NXPH1: variants seen among roughly 807,000 people sequenced by gnomAD.
NXPH1 encodes neurexophilin 1.
NXPH1 carries 5 observed loss-of-function variants against 23.7 expected under a neutral mutation model. The ratio of observed to expected loss-of-function variants is 0.21; its 90% CI spans 0.11 to 0.44. The LOEUF (loss-of-function observed/expected upper bound fraction) is 0.44, where lower values mean the gene tolerates loss of function less well. NXPH1 is among the 20% of genes least tolerant of loss of function. The probability of loss-of-function intolerance (pLI) is 0.99; values close to 1 mark genes in which losing one functional copy is unlikely to be tolerated. For missense variants in NXPH1, 324 were observed against 321.6 expected (o/e 1.01, Z -0.06); for synonymous variants, 144 against 122.2 (o/e 1.18, Z -1.18).
intron 2 of NXPH1, among the ~76,000 whole-genome samples, chr7:8,615,068 G>T (rs903388599): frequency 6.6e-6 from 1 of 151,888 alleles, no homozygotes; most frequent in African/African-American, 2.4e-5. Context: ...TTTACTTGTT[G>T]TGCCTCATTA....
At chr7:8,574,514 A>T (rs1205619127) in intron 2 of NXPH1, among the ~76,000 whole-genome samples, 1 of 152,076 alleles carries the variant, frequency 6.6e-6, no homozygotes, top group African/African-American at 2.4e-5. Flanking sequence ...AAAAAGATGG[A>T]ATCTGTTAAC....
intron 2 of NXPH1, among the ~76,000 whole-genome samples, chr7:8,524,169 G>T (rs1817823193): frequency 6.7e-6 from 1 of 149,804 alleles, no homozygotes; most frequent in African/African-American, 2.5e-5. Flanking sequence ...TTGAACCTGG[G>T]TGGTAGAGGT....
intron 2 of NXPH1, among the ~76,000 whole-genome samples, chr7:8,510,615 T>C (rs1254202965): frequency 6.6e-6 from 1 of 152,142 alleles, no homozygotes; most frequent in African/African-American, 2.4e-5. Flanking sequence ...GAATGAGAAG[T>C]GTGGGCACAA....
At chr7:8,561,379 C>CACACACACAT (rs1407439729) in intron 2 of NXPH1, among the ~76,000 whole-genome samples, 1 of 150,938 alleles carries the variant, frequency 6.6e-6, no homozygotes, top group African/African-American at 2.4e-5. Context: ...CACACACACA[C>CACACACACAT]ACACCTCTCT....
At chr7:8,687,111 A>C (rs2115180913) in intron 2 of NXPH1, among the ~76,000 whole-genome samples, 1 of 152,226 alleles carries the variant, frequency 6.6e-6, no homozygotes, top group African/African-American at 2.4e-5. Flanking sequence ...AAGGCTGTTC[A>C]TTACCTTCCT....
At chr7:8,449,863 C>T (rs773240701) in intron 2 of NXPH1, among the ~76,000 whole-genome samples, 32 of 152,312 alleles carry the variant, frequency 2.1e-4, no homozygotes, top group Non-Finnish European at 3.7e-4. Context: ...TTATTAGATG[C>T]AGTTTTTATT....
intron 2 of NXPH1, among the ~76,000 whole-genome samples, chr7:8,567,852 A>G (rs1031908195): frequency 1.3e-5 from 2 of 151,798 alleles, no homozygotes; most frequent in Non-Finnish European, 2.9e-5. Flanking sequence ...ACTAATTTCA[A>G]TCAGGTACTT....
chr7:8,532,469 G>A (rs183080288), intron 2 of NXPH1, among the ~76,000 whole-genome samples: 1 of 115,536 alleles, frequency 8.7e-6, no homozygotes, highest in Non-Finnish European at 1.7e-5. Context: ...TATTTTTTTT[G>A]GGGGGGGGGG....
At chr7:8,537,048 AT>A (rs1179357862) in intron 2 of NXPH1, among the ~76,000 whole-genome samples, 1 of 151,956 alleles carries the variant, frequency 6.6e-6, no homozygotes, top group Non-Finnish European at 1.5e-5. Context: ...ATTTATTATG[AT>A]GTTTGGAAAT....
chr7:8,621,812 A>G (rs1467535870), intron 2 of NXPH1, among the ~76,000 whole-genome samples: 1 of 152,128 alleles, frequency 6.6e-6, no homozygotes, highest in African/African-American at 2.4e-5. Flanking sequence ...AAAACTTCAC[A>G]TGCATTATCT....
intron 2 of NXPH1, among the ~76,000 whole-genome samples, chr7:8,648,008 T>C (rs1446472278): frequency 6.6e-6 from 1 of 152,158 alleles, no homozygotes; most frequent in Non-Finnish European, 1.5e-5. Context: ...TGTATGCCTT[T>C]TTAAAATAAA....
intron 2 of NXPH1, among the ~76,000 whole-genome samples, chr7:8,655,087 A>G (rs1186530565): frequency 6.6e-6 from 1 of 152,120 alleles, no homozygotes. Context: ...TTCTGAGTAG[A>G]TGAAAAAATA....
intron 2 of NXPH1, among the ~76,000 whole-genome samples, chr7:8,579,589 C>A (rs986364549): frequency 6.6e-6 from 1 of 152,280 alleles, no homozygotes; most frequent in East Asian, 1.9e-4. Flanking sequence ...TCAGACTGGT[C>A]TCAAACTCCT....
chr7:8,456,625 T>C (rs1471580734), intron 2 of NXPH1, among the ~76,000 whole-genome samples: 1 of 151,966 alleles, frequency 6.6e-6, no homozygotes, highest in Admixed American at 6.5e-5. Flanking sequence ...CTTGAAAACG[T>C]AACTTTTTTT....
intron 2 of NXPH1, among the ~76,000 whole-genome samples, chr7:8,634,927 T>C (rs567696397): frequency 1.3e-5 from 2 of 152,326 alleles, no homozygotes; most frequent in South Asian, 4.1e-4. Flanking sequence ...TAATAATTTC[T>C]GTATAACTTT....
In NXPH1 at chr7:8,445,616, A is replaced by T. The variant is rs375168549; in HGVS notation, c.54+9849A>T. On this transcript the variant is annotated intron_variant, in intron 2 of 2. Transcript: ENST00000405863. ...AGAGGTTATTGGCACAAAAATTACG[A>T]CAAAGATTTAGAGAAAATTTCCTGG... Among the ~76,000 whole-genome samples the T allele has an allele frequency of 3.3e-5, 5 of 152,388 alleles. No homozygotes were observed. In the South Asian group the frequency reaches 1.0e-3, roughly 32 times the overall value.
chr7:8,463,243 C>A (rs1563317517), intron 2 of NXPH1, among the ~76,000 whole-genome samples: 1 of 151,730 alleles, frequency 6.6e-6, no homozygotes, highest in Non-Finnish European at 1.5e-5. Context: ...ACACTTCCTT[C>A]TTTTTCACTT....
intron 2 of NXPH1, among the ~76,000 whole-genome samples, chr7:8,456,347 T>C (rs2128606202): frequency 6.6e-6 from 1 of 152,332 alleles, no homozygotes; most frequent in South Asian, 2.1e-4. Flanking sequence ...CATATTATAA[T>C]TGTTCATCAC....
At chr7:8,536,171 C>A (rs973287349) in intron 2 of NXPH1, among the ~76,000 whole-genome samples, 1 of 152,038 alleles carries the variant, frequency 6.6e-6, no homozygotes, top group East Asian at 1.9e-4. Flanking sequence ...CATTTTCTTT[C>A]TTCTATCCTT....
Sources: allele counts gnomAD v4.1 joint callset (sites outside exome capture counted in the v4.1 genomes callset), GRCh38; gene constraint gnomAD v4.1.1; transcripts MANE v1.5; gene names NCBI Gene and HGNC (gene_info 2026-07-23, HGNC 2026-07-21).